The following CLDN16 variants were observed in gnomAD, a reference collection of about 807,000 sequenced individuals.
CLDN16 encodes the protein claudin 16, also known as claudin-16.
In CLDN16, 13 loss-of-function variants were observed where a neutral mutation model predicts 24.6. The ratio of observed to expected loss-of-function variants is 0.53; its 90% CI spans 0.34 to 0.84. The LOEUF (loss-of-function observed/expected upper bound fraction) is 0.84, where lower values mean the gene tolerates loss of function less well. Among genes scored for constraint, CLDN16 ranks in the 40% least tolerant of loss-of-function variants. The probability of loss-of-function intolerance (pLI) is 0.01; values close to 1 mark genes in which losing one functional copy is unlikely to be tolerated. For missense variants in CLDN16, 298 were observed against 292.7 expected (o/e 1.02, Z -0.13); for synonymous variants, 116 against 106.7 (o/e 1.09, Z -0.54).
At chr3:190,409,781 A>G in intron 4 of CLDN16, 122 bp from the exon 5 acceptor site, 1 of 938,672 alleles carries the variant, frequency 1.1e-6, no homozygotes, top group South Asian at 1.5e-5. Flanking sequence ...TAGAGTTCCA[A>G]AATGATACCT....
At chr3:190,313,767 T>C in the CLDN16 span, among the ~76,000 whole-genome samples, 1 of 152,210 alleles carries the variant, frequency 6.6e-6, no homozygotes, top group Non-Finnish European at 1.5e-5. Flanking sequence ...TAATTCAATG[T>C]AGTGTTTCTC....
intron 3 of CLDN16, among the ~76,000 whole-genome samples, chr3:190,377,679 G>C (rs1718274507): frequency 6.6e-6 from 1 of 151,984 alleles, no homozygotes; most frequent in African/African-American, 2.4e-5. Context: ...AAAAATTCCA[G>C]TGAAATATAG....
intron 1 of CLDN16, among the ~76,000 whole-genome samples, chr3:190,400,845 T>A (rs1718943462): frequency 6.6e-6 from 1 of 152,124 alleles, no homozygotes; most frequent in East Asian, 1.9e-4. Context: ...ATTTGTTGGA[T>A]CATAAAGAAT....
At chr3:190,335,146 C>T (rs550117481) in intron 1 of CLDN16, among the ~76,000 whole-genome samples, 39 of 151,538 alleles carry the variant, frequency 2.6e-4, no homozygotes, top group African/African-American at 9.2e-4. Flanking sequence ...CAGGTTCAAG[C>T]GATTCTCCTG....
chr3:190,370,544 G>A (rs1577413271), intron 1 of CLDN16, among the ~76,000 whole-genome samples: 1 of 151,938 alleles, frequency 6.6e-6, no homozygotes, highest in East Asian at 1.9e-4. Context: ...CTGCAGGGGT[G>A]TAATTCACAT....
chr3:190,310,078 T>C, the CLDN16 span: 6 of 1,029,128 alleles, frequency 5.8e-6, no homozygotes, highest in Non-Finnish European at 9.1e-6. Context: ...TGAAAGCAAA[T>C]CTGGGAAATG....
At chr3:190,349,965 A>T (rs953854642) in intron 1 of CLDN16, among the ~76,000 whole-genome samples, 1 of 152,070 alleles carries the variant, frequency 6.6e-6, no homozygotes, top group South Asian at 2.1e-4. Context: ...TGGTCTTAAA[A>T]CCATTGAATT....
chr3:190,402,697 AG>A (rs1214827393), intron 2 of CLDN16, among the ~76,000 whole-genome samples: 1 of 152,154 alleles, frequency 6.6e-6, no homozygotes, highest in Non-Finnish European at 1.5e-5. Flanking sequence ...TCAGAGGGCC[AG>A]GCATAGTGCT....
chr3:190,358,520 G>C (rs979396665), intron 1 of CLDN16, among the ~76,000 whole-genome samples: 1 of 151,910 alleles, frequency 6.6e-6, no homozygotes, highest in Admixed American at 6.6e-5. Context: ...ACCACACACA[G>C]AGGGTAGACT....
At chr3:190,370,870 C>G (rs1284597550) in intron 1 of CLDN16, 1 of 151,628 alleles carries the variant, frequency 6.6e-6, no homozygotes, top group African/African-American at 2.4e-5. Context: ...ATTCTCCCAG[C>G]CTACATCTTT....
chr3:190,385,238 G>A (rs1180499734), upstream of CLDN16, among the ~76,000 whole-genome samples: 3 of 152,158 alleles, frequency 2.0e-5, no homozygotes, highest in Non-Finnish European at 4.4e-5. Flanking sequence ...GAATGCAAAA[G>A]AGATGTGTCT....
intron 1 of CLDN16, among the ~76,000 whole-genome samples, chr3:190,368,664 G>T (rs895816652): frequency 2.0e-5 from 3 of 151,888 alleles, no homozygotes; most frequent in African/African-American, 7.2e-5. Flanking sequence ...CTTGTACATG[G>T]ATATTCTCCT....
At chr3:190,371,649 G>A (rs1718144495) in intron 2 of CLDN16, among the ~76,000 whole-genome samples, 1 of 151,890 alleles carries the variant, frequency 6.6e-6, no homozygotes, top group Admixed American at 6.6e-5. Flanking sequence ...AGTGATTTTT[G>A]TCTATTTATT....
intron 1 of CLDN16, among the ~76,000 whole-genome samples, chr3:190,398,165 G>C (rs1011773572): frequency 6.6e-6 from 1 of 152,188 alleles, no homozygotes; most frequent in Non-Finnish European, 1.5e-5. Flanking sequence ...TCTGTTTTCT[G>C]TTATGATATA....
chr3:190,403,323 C>G (rs1719009092), intron 2 of CLDN16, among the ~76,000 whole-genome samples: 1 of 152,090 alleles, frequency 6.6e-6, no homozygotes, highest in Non-Finnish European at 1.5e-5. Context: ...CAGAGCAAGA[C>G]TTCATCTCAA....
chr3:190,370,825 G>C (rs1444101267), intron 1 of CLDN16: 1 of 151,638 alleles, frequency 6.6e-6, no homozygotes, highest in Non-Finnish European at 1.5e-5. Context: ...AGAATATAAA[G>C]CAGGCAGAAA....
At position 190,356,201 on chromosome 3, in the gene CLDN16, G is replaced by A. The variant is rs189610334; in HGVS notation, n.122-14692G>A. ...AAAGTTTAAGTAATATATTAGTAATGACATCTTTAGATTATTTTTATCCTG... is the reference window on the plus strand; with the variant it reads ...AAAGTTTAAGTAATATATTAGTAATAACATCTTTAGATTATTTTTATCCTG... On this transcript the variant is annotated intron_variant and non_coding_transcript_variant, in intron 1 of 4. Transcript: ENST00000468220. 1.1e-3 allele frequency among the ~76,000 whole-genome samples: 166 copies of A among 151,702 alleles called. 1 individual carries two copies. The highest frequency in any genetic ancestry group is 3.8e-3 in the African/African-American group (157 of 41,434).
In CLDN16 at chr3:190,366,636, G is replaced by A. The variant is rs9827500; in HGVS notation, n.122-4257G>A. ...TTGATACACTTACAAAAACACCTTG[G>A]CCAATCCCCCATGGAGCTCTGTGTT... On this transcript the variant is annotated intron_variant and non_coding_transcript_variant, in intron 1 of 4. Coordinates refer to the CLDN16 transcript ENST00000468220. 2.7e-3 allele frequency among the ~76,000 whole-genome samples: 412 copies of A among 152,016 alleles called. 3 individuals are homozygous for A. Among genetic ancestry groups the A allele is most frequent in the African/African-American group, 9.7e-3 (404 of 41,524 alleles).
chr3:190,332,095 G>T (rs1040066085), intron 1 of CLDN16, among the ~76,000 whole-genome samples: 1 of 152,106 alleles, frequency 6.6e-6, no homozygotes. Flanking sequence ...ATCAATTGAT[G>T]AACAATCTTA....
Sources: gnomAD v4.1 joint callset for allele counts (sites outside exome capture counted in the v4.1 genomes callset) on GRCh38, gnomAD v4.1.1 for gene constraint, MANE v1.5 for transcripts, NCBI Gene and HGNC (gene_info 2026-07-23, HGNC 2026-07-21) for gene names.